The following MTMR10 variants were observed in gnomAD, a reference collection of about 807,000 sequenced individuals.
MTMR10 encodes myotubularin related protein 10.
In MTMR10, 56 loss-of-function variants were observed where a neutral mutation model predicts 88.1. The observed-to-expected ratio is 0.64, with a 90% confidence interval of 0.51 to 0.79. MTMR10 has a LOEUF of 0.79. Among genes scored for constraint, MTMR10 ranks in the 30% least tolerant of loss-of-function variants. The probability of loss-of-function intolerance (pLI) is 0.00; values close to 1 mark genes in which losing one functional copy is unlikely to be tolerated. For missense variants in MTMR10, 883 were observed against 924.7 expected, an observed-to-expected ratio of 0.95 and a Z score of 0.58; for synonymous variants, 380 against 340.9, an observed-to-expected ratio of 1.11 and a Z score of -1.26.
chr15:30,987,821 C>T (rs979679651), intron 2 of MTMR10, among the ~76,000 whole-genome samples: 5 of 151,840 alleles, frequency 3.3e-5, no homozygotes, highest in Non-Finnish European at 7.4e-5. Flanking sequence ...AATTTCAAGC[C>T]CCGCACGCAT....
intron 5 of MTMR10, among the ~76,000 whole-genome samples, chr15:30,969,985 T>G (rs961270955): frequency 3.9e-5 from 6 of 152,100 alleles, no homozygotes; most frequent in Non-Finnish European, 5.9e-5. Context: ...GAGTACTAAT[T>G]CCAGAAACCC....
At chr15:30,928,418 CT>C in the MTMR10 span, 8 of 1,493,274 alleles carry the variant, frequency 5.4e-6, no homozygotes, top group Non-Finnish European at 7.1e-6. Flanking sequence ...GCATTTGCTT[CT>C]GAATCTAAAA....
intron 1 of MTMR10, chr15:30,991,125 G>C: frequency 1.9e-6 from 1 of 515,408 alleles, no homozygotes; most frequent in Non-Finnish European, 3.4e-6. Flanking sequence ...CATGCTGGCG[G>C]TCATACGAGG....
At chr15:30,966,241 GATGTA>G (rs1371098735) in intron 6 of MTMR10, among the ~76,000 whole-genome samples, 1 of 152,210 alleles carries the variant, frequency 6.6e-6, no homozygotes, top group Non-Finnish European at 1.5e-5. Context: ...GGAACTGAAT[GATGTA>G]GATTTTAAAA....
At chr15:30,925,359 T>C in the MTMR10 span, 1 of 1,413,056 alleles carries the variant, frequency 7.1e-7, no homozygotes, top group Non-Finnish European at 9.7e-7. Context: ...ACCAGAAGCA[T>C]CCTAAGAGCT....
downstream of MTMR10, chr15:30,938,838 G>C (rs1042037080): frequency 2.2e-6 from 2 of 909,722 alleles, no homozygotes; most frequent in Non-Finnish European, 2.6e-6. Context: ...AGGGCAAGCA[G>C]AAACATCCCA....
intron 6 of MTMR10, among the ~76,000 whole-genome samples, chr15:30,964,238 T>G (rs2063445831): frequency 6.6e-6 from 1 of 152,246 alleles, no homozygotes; most frequent in Non-Finnish European, 1.5e-5. Flanking sequence ...CTCAAAATTT[T>G]AACAGTTATG....
At chr15:30,932,221 C>CAAAAAAAA in the MTMR10 span, among the ~76,000 whole-genome samples, 5 of 49,506 alleles carry the variant, frequency 1.0e-4, 2 homozygotes, top group Non-Finnish European at 2.3e-4. Flanking sequence ...GACTCCATCT[C>CAAAAAAAA]AAAAAAAAAA....
chr15:30,952,088 AATAC>A (rs765477388), intron 11 of MTMR10, 50 bp from the exon 12 acceptor site: 2 of 1,446,836 alleles, frequency 1.4e-6, no homozygotes. Flanking sequence ...TTCCACTACA[AATAC>A]ATAAAGTACT....
rs1050374047 is a variant in MTMR10 at position 30,974,434 on chromosome 15, C to G, written c.354G>C (p.Gln118His). Residue 118 changes from glutamine to histidine, a missense_variant, in exon 5 of 16, where the codon CAG (glutamine) becomes CAC (histidine). By Grantham distance (24) the Gln-to-His change is conservative (BLOSUM62 0). Transcript: ENST00000435680. ...GTTTCTGGTTGGGGCCTAGGACTTT[C>G]TGCTTCCTCTTGTGGTCGTTTACTA... ...IVTVNDHKRKQKVLGPNQKLK... is the reference protein window; with the variant it reads ...IVTVNDHKRKHKVLGPNQKLK... 1 of 1,566,992 alleles carries G rather than the reference C, an allele frequency of 6.4e-7. No homozygotes were observed. Among genetic ancestry groups the G allele is most frequent in the African/African-American group, 1.4e-5 (1 of 73,194 alleles).
At chr15:30,963,358 C>T (rs374542094) in intron 6 of MTMR10, among the ~76,000 whole-genome samples, 2 of 151,992 alleles carry the variant, frequency 1.3e-5, no homozygotes, top group Admixed American at 1.3e-4. Flanking sequence ...TTGCTGGGCG[C>T]GGTGGCTCAT....
intron 2 of MTMR10, among the ~76,000 whole-genome samples, chr15:30,980,110 A>G (rs2030466859): frequency 2.0e-5 from 3 of 152,364 alleles, no homozygotes; most frequent in Middle Eastern, 3.4e-3. Context: ...AACAAGGTTT[A>G]GAAGACACAA....
the MTMR10 span, among the ~76,000 whole-genome samples, chr15:30,929,953 T>C: frequency 8.2e-6 from 1 of 122,576 alleles, no homozygotes; most frequent in East Asian, 2.1e-4. Flanking sequence ...TAATATAATA[T>C]ATATCATATA....
At position 30,942,872 on chromosome 15, in the gene MTMR10, T is replaced by A; in HGVS notation, c.1731+18A>T. ...GTTACGTGTGAGCCAACATCACGTTTTGTTAGCTGTGATTTACCTTTGTCC... is the reference window on the plus strand; with the variant it reads ...GTTACGTGTGAGCCAACATCACGTTATGTTAGCTGTGATTTACCTTTGTCC... On this transcript the variant is annotated intron_variant, in intron 15 of 15. Transcript: ENST00000435680. 1.3e-6 allele frequency: 2 copies of A among 1,548,674 alleles called. No homozygotes were observed. The highest frequency in any genetic ancestry group is 2.7e-5 in the African/African-American group (2 of 73,462).
the MTMR10 span, among the ~76,000 whole-genome samples, chr15:30,929,889 CAT>C: frequency 6.2e-4 from 43 of 68,824 alleles, 4 homozygotes; most frequent in Middle Eastern, 0.015. Context: ...TAATATATAT[CAT>C]ATATAATATA....
At chr15:30,966,063 T>C in intron 6 of MTMR10, 1 of 455,144 alleles carries the variant, frequency 2.2e-6, no homozygotes, top group Non-Finnish European at 4.4e-6. Flanking sequence ...GGAAGGATAT[T>C]AAAGGATGTT....
downstream of MTMR10, among the ~76,000 whole-genome samples, chr15:30,934,469 C>T (rs1236412538): frequency 6.6e-6 from 1 of 152,134 alleles, no homozygotes; most frequent in Non-Finnish European, 1.5e-5. Context: ...CTCTTTGTCT[C>T]AGAACTCTTT....
chr15:30,919,981 T>A, the MTMR10 span, among the ~76,000 whole-genome samples: 2 of 152,198 alleles, frequency 1.3e-5, no homozygotes, highest in Non-Finnish European at 2.9e-5. Flanking sequence ...TAGATTACTA[T>A]AAACAGAGGT....
chr15:30,966,282 G>A (rs1156363390), intron 6 of MTMR10, among the ~76,000 whole-genome samples: 1 of 152,182 alleles, frequency 6.6e-6, no homozygotes, highest in African/African-American at 2.4e-5. Flanking sequence ...ACCTATGGGT[G>A]GATAAACTAA....
Sources: allele counts gnomAD v4.1 joint callset (sites outside exome capture counted in the v4.1 genomes callset), GRCh38; gene constraint gnomAD v4.1.1; transcripts MANE v1.5; gene names NCBI Gene and HGNC (gene_info 2026-07-23, HGNC 2026-07-21).